CBR4: variants seen among roughly 807,000 people sequenced by gnomAD.
CBR4 encodes the protein 3-oxoacyl-[acyl-carrier-protein] reductase.
CBR4 carries 22 observed loss-of-function variants against 21.0 expected under a neutral mutation model. That is an observed-to-expected ratio of 1.05 (90% CI 0.75 to 1.50). The LOEUF (loss-of-function observed/expected upper bound fraction) is 1.50, where lower values mean the gene tolerates loss of function less well. Ranked by LOEUF, CBR4 falls within the 40% of genes most tolerant of loss-of-function variation. CBR4 has a pLI of 0.00. For synonymous variants in CBR4, 100 were observed against 104.4 expected (o/e 0.96, Z 0.26); for missense variants, 302 against 286.3 (o/e 1.05, Z -0.40).
At chr4:168,996,997 G>T (rs1389230956) in intron 4 of CBR4, among the ~76,000 whole-genome samples, 3 of 152,136 alleles carry the variant, frequency 2.0e-5, no homozygotes, top group African/African-American at 7.2e-5. Flanking sequence ...CTTACTACTT[G>T]TATTACTTTC....
chr4:168,964,381 A>C (rs1763955591), intron 2 of CBR4, among the ~76,000 whole-genome samples: 1 of 152,238 alleles, frequency 6.6e-6, no homozygotes, highest in African/African-American at 2.4e-5. Context: ...GAGCAAGGCA[A>C]GGAAAATAAA....
At chr4:168,896,239 C>T (rs925629459) in intron 2 of CBR4, among the ~76,000 whole-genome samples, 6 of 150,248 alleles carry the variant, frequency 4.0e-5, no homozygotes, top group Non-Finnish European at 8.9e-5. Context: ...ATTTAATACA[C>T]CTAACCTACT....
At chr4:168,961,934 A>G (rs983593622) in intron 2 of CBR4, among the ~76,000 whole-genome samples, 1 of 118,440 alleles carries the variant, frequency 8.4e-6, no homozygotes, top group Non-Finnish European at 1.7e-5. Context: ...GAACAAGAGG[A>G]GAGCACAGGA....
chr4:168,969,944 A>G (rs1764153956), intron 2 of CBR4, among the ~76,000 whole-genome samples: 2 of 152,078 alleles, frequency 1.3e-5, no homozygotes, highest in South Asian at 4.1e-4. Flanking sequence ...AGACTTATTA[A>G]TTTTTGCCAC....
At chr4:168,924,920 C>T in intron 2 of CBR4, 1 of 1,613,812 alleles carries the variant, frequency 6.2e-7, no homozygotes, top group Non-Finnish European at 8.5e-7. Context: ...ATTTAGAACC[C>T]TAATGACTTT....
chr4:168,951,741 C>T (rs551352681), intron 2 of CBR4, among the ~76,000 whole-genome samples: 13 of 152,286 alleles, frequency 8.5e-5, no homozygotes, highest in Non-Finnish European at 1.8e-4. Context: ...GAAGACAGGG[C>T]CCCAATCCCT....
chr4:168,986,235 ATAC>A (rs1371997167), downstream of CBR4, among the ~76,000 whole-genome samples: 4 of 152,216 alleles, frequency 2.6e-5, no homozygotes, highest in African/African-American at 7.2e-5. Context: ...CTATATGCAA[ATAC>A]TACACCATTT....
chr4:169,002,257 T>C (rs1730518408), intron 3 of CBR4, 52 bp from the exon 4 acceptor site: 1 of 1,339,332 alleles, frequency 7.5e-7, no homozygotes, highest in Non-Finnish European at 9.7e-7. Flanking sequence ...ATTCAATTAA[T>C]GGGGTTACTT....
chr4:168,953,442 T>C (rs1384439647), intron 2 of CBR4, among the ~76,000 whole-genome samples: 1 of 152,146 alleles, frequency 6.6e-6, no homozygotes, highest in Admixed American at 6.5e-5. Context: ...TTTGGTTTTT[T>C]GGAGACAGGG....
chr4:168,941,579 C>G (rs1763265447), intron 2 of CBR4, among the ~76,000 whole-genome samples: 1 of 152,132 alleles, frequency 6.6e-6, no homozygotes, highest in South Asian at 2.1e-4. Flanking sequence ...AAGATACATA[C>G]CCAGTAATGG....
At chr4:168,993,981 G>A (rs1236074967) in intron 4 of CBR4, among the ~76,000 whole-genome samples, 1 of 152,112 alleles carries the variant, frequency 6.6e-6, no homozygotes, top group African/African-American at 2.4e-5. Context: ...CACGTGCTAA[G>A]ACCAGCTCGG....
At chr4:169,009,395 A>G (rs1731196565) in intron 1 of CBR4, among the ~76,000 whole-genome samples, 1 of 152,264 alleles carries the variant, frequency 6.6e-6, no homozygotes, top group Admixed American at 6.5e-5. Context: ...CAAACCAGGT[A>G]TATCTCAAAA....
intron 2 of CBR4, chr4:168,904,067 A>C (rs1757111018): frequency 1.4e-6 from 1 of 697,364 alleles, no homozygotes; most frequent in African/African-American, 1.8e-5. Context: ...GGATAGAAAA[A>C]TTCTTTGTTT....
intron 4 of CBR4, among the ~76,000 whole-genome samples, chr4:168,994,406 G>A (rs1397131441): frequency 1.3e-5 from 2 of 152,156 alleles, no homozygotes; most frequent in Non-Finnish European, 2.9e-5. Flanking sequence ...AACAGGTCAC[G>A]GTGCTGCAGG....
In CBR4 at chr4:168,914,008, C is replaced by T. The variant is rs114673468; in HGVS notation, n.170-19243G>A. ...AAGTCCCCGGTCTCCCTCAGGCCAT[C>T]CTCATGTCAGAAGGTATTTAACATG... On this transcript the variant is annotated intron_variant and non_coding_transcript_variant, in intron 2 of 3. Transcript: ENST00000509108. 13 of 1,600,892 alleles carry T rather than the reference C, an allele frequency of 8.1e-6. No individual in the cohort carries two copies. In the African/African-American group the frequency reaches 1.1e-4, roughly 13 times the overall value.
chr4:168,966,451 C>T (rs1223282557), intron 2 of CBR4, among the ~76,000 whole-genome samples: 4 of 149,820 alleles, frequency 2.7e-5, no homozygotes, highest in Non-Finnish European at 5.9e-5. Flanking sequence ...GGTGTGAACC[C>T]GGGAGGTGGA....
intron 1 of CBR4, 64 bp downstream of exon 1, chr4:169,009,884 G>A (rs943031680): frequency 6.3e-5 from 92 of 1,467,990 alleles, no homozygotes; most frequent in East Asian, 2.6e-4. Flanking sequence ...TTTTTACAAA[G>A]GAGATTTTCT....
chr4:168,959,076 T>C (rs1763769311), intron 2 of CBR4, among the ~76,000 whole-genome samples: 3 of 152,174 alleles, frequency 2.0e-5, no homozygotes, highest in Admixed American at 2.0e-4. Context: ...TTTTTCTGTA[T>C]GGTTTATGTT....
chr4:168,914,081 G>A, intron 2 of CBR4: 2 of 1,006,922 alleles, frequency 2.0e-6, no homozygotes, highest in Non-Finnish European at 3.1e-6. Context: ...TATAAATGTA[G>A]TACTATTAGA....
Sources: allele counts gnomAD v4.1 joint callset (sites outside exome capture counted in the v4.1 genomes callset), GRCh38; gene constraint gnomAD v4.1.1; transcripts MANE v1.5; gene names NCBI Gene and HGNC (gene_info 2026-07-23, HGNC 2026-07-21).